Variants in PDE3B observed in about 807,000 individuals in gnomAD.
PDE3B encodes cGMP-inhibited 3',5'-cyclic phosphodiesterase 3B.
In PDE3B, 66 loss-of-function variants were observed where a neutral mutation model predicts 116.8. The ratio of observed to expected loss-of-function variants is 0.56; its 90% CI spans 0.46 to 0.69. The LOEUF (loss-of-function observed/expected upper bound fraction) is 0.69. Ranked by LOEUF, PDE3B falls within the 30% of genes least tolerant of loss-of-function variation. The probability of loss-of-function intolerance (pLI) is 0.00; values close to 1 mark genes in which losing one functional copy is unlikely to be tolerated. For synonymous variants in PDE3B, 595 were observed against 533.6 expected (o/e 1.12, Z -1.59); for missense variants, 1,384 against 1,368.1 (o/e 1.01, Z -0.18).
At chr11:14,860,496 T>G (rs1402793371) in intron 13 of PDE3B, among the ~76,000 whole-genome samples, 9 of 152,180 alleles carry the variant, frequency 5.9e-5, no homozygotes, top group Non-Finnish European at 1.3e-4. Flanking sequence ...TTGAAAGGCT[T>G]TTTTTCAGCT....
At chr11:14,882,360 TGAG>T in the PDE3B span, among the ~76,000 whole-genome samples, 1 of 151,970 alleles carries the variant, frequency 6.6e-6, no homozygotes, top group Non-Finnish European at 1.5e-5. Flanking sequence ...TCATAGGAGA[TGAG>T]GAAGTGAGAC....
At chr11:14,741,215 A>G (rs1856762331) in intron 1 of PDE3B, among the ~76,000 whole-genome samples, 1 of 152,066 alleles carries the variant, frequency 6.6e-6, no homozygotes. Flanking sequence ...ACAGTCTCCC[A>G]CTATTACTGT....
At chr11:14,725,335 TTC>T (rs1181068606) in intron 1 of PDE3B, among the ~76,000 whole-genome samples, 3 of 148,632 alleles carry the variant, frequency 2.0e-5, no homozygotes, top group African/African-American at 7.6e-5. Context: ...TTCTTTTTCT[TTC>T]TTTCTTTCTT....
chr11:14,723,464 A>G (rs1188149162), intron 1 of PDE3B, among the ~76,000 whole-genome samples: 1 of 152,146 alleles, frequency 6.6e-6, no homozygotes, highest in African/African-American at 2.4e-5. Flanking sequence ...AATAAAAGCA[A>G]GTTTCTGGTC....
At chr11:14,892,206 C>T in the PDE3B span, 4 of 1,609,338 alleles carry the variant, frequency 2.5e-6, no homozygotes, top group Admixed American at 1.7e-5. Flanking sequence ...GCTTCCACAT[C>T]GGCCCGAGCT....
chr11:14,673,827 G>A, intron 1 of PDE3B: 2 of 1,035,272 alleles, frequency 1.9e-6, no homozygotes, highest in Non-Finnish European at 3.1e-6. Context: ...AAGAATTTCG[G>A]CATACTGTGG....
At chr11:14,818,600 T>C (rs1233208186) in intron 6 of PDE3B, among the ~76,000 whole-genome samples, 1 of 152,156 alleles carries the variant, frequency 6.6e-6, no homozygotes, top group Non-Finnish European at 1.5e-5. Flanking sequence ...TTGATGATAT[T>C]GAGGACTTTA....
At chr11:14,711,061 G>A (rs1482134877) in intron 1 of PDE3B, among the ~76,000 whole-genome samples, 2 of 152,130 alleles carry the variant, frequency 1.3e-5, no homozygotes, top group Non-Finnish European at 2.9e-5. Flanking sequence ...GAAGATCTCT[G>A]AGTTTAAGAT....
At chr11:14,843,545 G>T (rs927121328) in intron 11 of PDE3B, among the ~76,000 whole-genome samples, 3 of 152,062 alleles carry the variant, frequency 2.0e-5, no homozygotes, top group Non-Finnish European at 4.4e-5. Flanking sequence ...AAAATCAGAG[G>T]TTTTTAAAAT....
At chr11:14,757,563 G>C (rs1469390632) in intron 1 of PDE3B, among the ~76,000 whole-genome samples, 2 of 135,604 alleles carry the variant, frequency 1.5e-5, no homozygotes, top group African/African-American at 5.8e-5. Context: ...GTGATGATGA[G>C]CATTTTTTCA....
intron 5 of PDE3B, among the ~76,000 whole-genome samples, chr11:14,814,991 G>A (rs1416087713): frequency 6.7e-6 from 1 of 149,490 alleles, no homozygotes; most frequent in Middle Eastern, 3.2e-3. Context: ...AAAAAAAAAA[G>A]CTAGGTGTAG....
intron 5 of PDE3B, among the ~76,000 whole-genome samples, chr11:14,814,709 C>A (rs1410171603): frequency 6.6e-6 from 1 of 152,198 alleles, no homozygotes; most frequent in Non-Finnish European, 1.5e-5. Flanking sequence ...CCTGTAATCT[C>A]AGCACTTAGG....
chr11:14,787,376 G>A (rs981799497), intron 3 of PDE3B, among the ~76,000 whole-genome samples: 8 of 151,822 alleles, frequency 5.3e-5, no homozygotes, highest in Admixed American at 1.3e-4. Context: ...TAGAAACATT[G>A]TAGAAATTAT....
intron 1 of PDE3B, chr11:14,673,939 T>G (rs1163351000): frequency 1.0e-5 from 14 of 1,366,752 alleles, no homozygotes; most frequent in Non-Finnish European, 1.5e-5. Context: ...TTATCTGTGT[T>G]TCCACCAGAT....
the PDE3B span, among the ~76,000 whole-genome samples, chr11:14,888,681 T>C: frequency 6.6e-6 from 1 of 152,196 alleles, no homozygotes; most frequent in African/African-American, 2.4e-5. Context: ...TCTTGTCTTC[T>C]GCCTGCATGC....
intron 1 of PDE3B, among the ~76,000 whole-genome samples, chr11:14,708,333 T>C (rs930975780): frequency 3.9e-5 from 6 of 152,222 alleles, no homozygotes; most frequent in East Asian, 1.9e-4. Context: ...TCTTGAACTT[T>C]CCAGTCATCA....
intron 1 of PDE3B, among the ~76,000 whole-genome samples, chr11:14,668,065 A>G (rs1040911630): frequency 1.3e-5 from 2 of 152,032 alleles, no homozygotes; most frequent in South Asian, 2.1e-4. Context: ...ATACAATCCT[A>G]TTTCAGGGGG....
intron 4 of PDE3B, among the ~76,000 whole-genome samples, chr11:14,800,318 A>G (rs970565978): frequency 2.0e-5 from 3 of 152,122 alleles, no homozygotes; most frequent in Non-Finnish European, 4.4e-5. Flanking sequence ...TACAAAAGTT[A>G]GCTGGGCGTG....
chr11:14,851,351 A>T (rs903311648), intron 12 of PDE3B, among the ~76,000 whole-genome samples: 1 of 151,568 alleles, frequency 6.6e-6, no homozygotes, highest in Non-Finnish European at 1.5e-5. Context: ...TTCTGTAGCC[A>T]TTTTCTGTTT....
Sources: gnomAD v4.1 joint callset for allele counts (sites outside exome capture counted in the v4.1 genomes callset) on GRCh38, gnomAD v4.1.1 for gene constraint, MANE v1.5 for transcripts, NCBI Gene and HGNC (gene_info 2026-07-23, HGNC 2026-07-21) for gene names.